Variants in RNLS observed in about 807,000 individuals in gnomAD.
RNLS encodes renalase, FAD dependent amine oxidase, also known as renalase.
A neutral mutation model predicts 39.8 loss-of-function variants in RNLS; 39 were observed. The ratio of observed to expected loss-of-function variants is 0.98; its 90% confidence interval spans 0.76 to 1.28. The LOEUF is 1.28. RNLS is among the 50% of genes most tolerant of loss of function. The pLI is 0.00. For missense variants in RNLS, 410 were observed against 413.3 expected, an observed-to-expected ratio of 0.99 and a Z score of 0.07; for synonymous variants, 147 against 150.7, an observed-to-expected ratio of 0.98 and a Z score of 0.18.
intron 4 of RNLS, among the ~76,000 whole-genome samples, chr10:88,390,995 G>T (rs548834840): frequency 6.6e-6 from 1 of 152,126 alleles, no homozygotes; most frequent in East Asian, 1.9e-4. Context: ...ACTAACTGAA[G>T]ACTATACTTT....
At chr10:88,265,887 C>A in the RNLS span, among the ~76,000 whole-genome samples, 2 of 152,260 alleles carry the variant, frequency 1.3e-5, no homozygotes, top group East Asian at 3.9e-4. Flanking sequence ...ATGGGTGTCC[C>A]AAATGGCGAA....
At chr10:88,524,796 T>C (rs1303958856) in intron 4 of RNLS, among the ~76,000 whole-genome samples, 1 of 151,508 alleles carries the variant, frequency 6.6e-6, no homozygotes, top group Non-Finnish European at 1.5e-5. Flanking sequence ...TTCTGTCAAA[T>C]ACTGGCTGTA....
At chr10:88,304,419 C>T (rs1027622743) in intron 6 of RNLS, among the ~76,000 whole-genome samples, 9 of 152,072 alleles carry the variant, frequency 5.9e-5, no homozygotes, top group African/African-American at 2.2e-4. Context: ...TGTTGAAACC[C>T]AATCCAAGGA....
intron 4 of RNLS, among the ~76,000 whole-genome samples, chr10:88,513,995 G>C (rs1027999607): frequency 6.6e-6 from 1 of 151,270 alleles, no homozygotes; most frequent in Non-Finnish European, 1.5e-5. Flanking sequence ...TGGGTACAAC[G>C]TTCTATCGAT....
intron 4 of RNLS, among the ~76,000 whole-genome samples, chr10:88,496,945 A>G (rs1845207720): frequency 6.6e-6 from 1 of 152,110 alleles, no homozygotes; most frequent in African/African-American, 2.4e-5. Flanking sequence ...GGATAGGCAC[A>G]CTAAAGTTTG....
At chr10:88,553,551 G>C (rs948233198) in intron 4 of RNLS, among the ~76,000 whole-genome samples, 2 of 152,128 alleles carry the variant, frequency 1.3e-5, no homozygotes. Context: ...ATTTTATATA[G>C]TACACAATTG....
intron 5 of RNLS, among the ~76,000 whole-genome samples, chr10:88,329,221 G>GT (rs1259861554): frequency 6.6e-6 from 1 of 151,364 alleles, no homozygotes; most frequent in Non-Finnish European, 1.5e-5. Flanking sequence ...CACCCAGCTA[G>GT]TTTTTTATTT....
chr10:88,220,396 T>C, the RNLS span, among the ~76,000 whole-genome samples: 3 of 152,230 alleles, frequency 2.0e-5, no homozygotes, highest in African/African-American at 7.2e-5. Flanking sequence ...TGAACTTCCC[T>C]GGCACTTCGG....
rs556087269 is a variant in RNLS, at chr10:88,309,566, A to T, written c.876+4900T>A. ...CTCCTAGCAGTACTATGGGTAACTG[A>T]GGTAATCAGCTGGAAAAGGCCTGAA... On this transcript the variant is annotated intron_variant, in intron 6 of 6. Coordinates refer to ENST00000331772, the MANE Select transcript of RNLS (RefSeq NM_001031709.3). The T allele has an allele frequency of 3.7e-6, 3 of 809,686 alleles. No individual in the cohort carries two copies. In the Admixed American group the frequency reaches 7.0e-5, roughly 19 times the overall value. The allele number at this position is 809,686 out of a possible 1,614,324, so 50.2% of individuals were successfully genotyped here.
At chr10:88,231,543 T>G in the RNLS span, among the ~76,000 whole-genome samples, 57 of 152,242 alleles carry the variant, frequency 3.7e-4, no homozygotes, top group African/African-American at 1.3e-3. Flanking sequence ...GCTGGAGGAT[T>G]TAGTGGAATA....
At chr10:88,534,253 T>C (rs1014714582) in intron 4 of RNLS, among the ~76,000 whole-genome samples, 1 of 152,098 alleles carries the variant, frequency 6.6e-6, no homozygotes, top group Non-Finnish European at 1.5e-5. Context: ...TTATGTAACA[T>C]AGAAGCCCTG....
chr10:88,247,126 A>G, the RNLS span, among the ~76,000 whole-genome samples: 5 of 152,134 alleles, frequency 3.3e-5, no homozygotes, highest in Admixed American at 1.3e-4. Context: ...GTCGGGGAGA[A>G]AGTGGAGGAG....
the RNLS span, among the ~76,000 whole-genome samples, chr10:88,194,716 G>C: frequency 6.6e-6 from 1 of 152,196 alleles, no homozygotes; most frequent in African/African-American, 2.4e-5. Context: ...TAGGTCTACT[G>C]TATTGAAATC....
the RNLS span, among the ~76,000 whole-genome samples, chr10:88,217,346 T>C: frequency 6.6e-6 from 1 of 152,186 alleles, no homozygotes; most frequent in Non-Finnish European, 1.5e-5. Context: ...AAATAACCTT[T>C]TCATCAGTTG....
At chr10:88,196,672 T>G in the RNLS span, among the ~76,000 whole-genome samples, 2 of 152,136 alleles carry the variant, frequency 1.3e-5, no homozygotes, top group Admixed American at 6.5e-5. Context: ...TGGGGCTAGG[T>G]GTAGCCAGAC....
intron 4 of RNLS, among the ~76,000 whole-genome samples, chr10:88,462,543 C>A (rs77912975): frequency 0.18 from 26,979 of 151,792 alleles, 2,867 homozygotes; most frequent in Non-Finnish European, 0.25. Flanking sequence ...AATATACTGT[C>A]TTATAAATAA....
intron 6 of RNLS, among the ~76,000 whole-genome samples, chr10:88,308,292 G>T (rs1443942855): frequency 6.6e-6 from 1 of 152,144 alleles, no homozygotes; most frequent in African/African-American, 2.4e-5. Context: ...ATTGACAAAT[G>T]AGATCTATTT....
the RNLS span, among the ~76,000 whole-genome samples, chr10:88,266,037 A>C: frequency 1.3e-5 from 2 of 152,202 alleles, no homozygotes; most frequent in Non-Finnish European, 2.9e-5. Context: ...TGTAGAAGTG[A>C]CTGTAATTTC....
rs1849949204 is a variant in RNLS at position 88,573,044 on chromosome 10, T to C, written c.385A>G (p.Arg129Gly). Residue 129 changes from arginine (R) to glycine (G), a missense_variant, in exon 4 of 7, where the codon AGA (arginine) becomes GGA (glycine). Arg to Gly is a moderately radical substitution (Grantham distance 125). Transcript: ENST00000331772. ...AGGTTGATCTGTGTCACACGATGTC[T>C]GAAGTAGACTTCTGCACCTGTTCCA... The part of the protein sequence containing the change: ...LKESGAEVYF[R>G]HRVTQINLRD... The C allele has an allele frequency of 6.2e-7, 1 of 1,613,948 alleles. No individual in the cohort carries two copies. The highest frequency in any genetic ancestry group is 1.1e-5 in the South Asian group (1 of 91,048).
Sources: gnomAD v4.1 joint callset for allele counts (sites outside exome capture counted in the v4.1 genomes callset) on GRCh38, gnomAD v4.1.1 for gene constraint, MANE v1.5 for transcripts, NCBI Gene and HGNC (gene_info 2026-07-23, HGNC 2026-07-21) for gene names.